BRF1: variants seen among roughly 807,000 people sequenced by gnomAD.
The protein encoded by BRF1 is BRF1 general transcription factor IIIB subunit.
In BRF1, 59 loss-of-function variants were observed where a neutral mutation model predicts 81.7. That is an observed-to-expected ratio of 0.72 (90% CI 0.59 to 0.90). The LOEUF (loss-of-function observed/expected upper bound fraction) is 0.90, where lower values mean the gene tolerates loss of function less well. Among genes scored for constraint, BRF1 ranks in the 40% least tolerant of loss-of-function variants. The pLI is 0.00. For synonymous variants in BRF1, 491 were observed against 395.6 expected (o/e 1.24, Z -2.86); for missense variants, 1,050 against 936.3 (o/e 1.12, Z -1.58).
chr14:105,223,202 A>C (rs1410484610), intron 10 of BRF1, among the ~76,000 whole-genome samples: 2 of 152,174 alleles, frequency 1.3e-5, no homozygotes, highest in African/African-American at 4.8e-5. Flanking sequence ...AAAACAACAA[A>C]AAAAGACATA....
chr14:105,217,690 C>T lies in BRF1; in HGVS notation c.1626G>A (p.Val542=). The T allele has an allele frequency of 7.4e-6, 12 of 1,613,416 alleles. No individual in the cohort carries two copies. The highest frequency in any genetic ancestry group is 1.0e-5 in the Non-Finnish European group (12 of 1,180,034). ...CGCCGGCGCTGCTGAGGCCCCGGAG[C>T]ACGCTATAATTGATCTTGCTGGAGA... ...KKISSKINYS[V]LRGLSSAGGG... The change falls in exon 15 of 18, where the codon GTG becomes GTA. Residue 542 remains valine, a synonymous_variant. Transcript: ENST00000547530.
chr14:105,217,839 G>T (rs766026215), intron 14 of BRF1, 39 bp from the exon 15 acceptor site: 2 of 1,598,896 alleles, frequency 1.3e-6, no homozygotes, highest in Non-Finnish European at 1.7e-6. Flanking sequence ...CGTGAGTCAC[G>T]CCCACTGCAC....
intron 10 of BRF1, among the ~76,000 whole-genome samples, chr14:105,225,703 C>T (rs587693842): frequency 2.0e-5 from 3 of 152,016 alleles, no homozygotes; most frequent in Non-Finnish European, 2.9e-5. Context: ...GCTGGAGTGC[C>T]GTGGTGCGAT....
chr14:105,250,901 C>T (rs2055569750), intron 5 of BRF1: 4 of 559,226 alleles, frequency 7.2e-6, no homozygotes, highest in Non-Finnish European at 9.7e-6. Context: ...GGAAGATTTA[C>T]GGCTCAAGAC....
chr14:105,314,116 C>T (rs866731299), intron 1 of BRF1, among the ~76,000 whole-genome samples: 14 of 152,240 alleles, frequency 9.2e-5, no homozygotes, highest in Admixed American at 4.6e-4. Flanking sequence ...CTTCGAGTCC[C>T]CGCGACCGCC....
chr14:105,222,032 G>A, intron 10 of BRF1, 118 bp from the exon 11 acceptor site: 2 of 1,317,614 alleles, frequency 1.5e-6, no homozygotes, highest in Non-Finnish European at 2.0e-6. Context: ...AGTGCACGGT[G>A]CCTGGCGGTC....
intron 5 of BRF1, chr14:105,247,935 A>G (rs1398078354): frequency 2.0e-6 from 2 of 985,342 alleles, no homozygotes; most frequent in African/African-American, 3.5e-5. Flanking sequence ...CCCCACAAGG[A>G]GCGAGCCTGC....
intron 3 of BRF1, among the ~76,000 whole-genome samples, chr14:105,265,092 CT>C (rs1469120981): frequency 1.4e-5 from 2 of 138,738 alleles, no homozygotes; most frequent in East Asian, 4.1e-4. Flanking sequence ...GAGACAGGGT[CT>C]CACTCTGTCG....
rs2056434034 is a variant in BRF1 at position 105,266,735 on chromosome 14, G to A, written c.439+5986C>T. On this transcript the variant is annotated intron_variant, in intron 3 of 17. Coordinates refer to ENST00000547530, the MANE Select transcript of BRF1 (RefSeq NM_001519.4). ...CAAAAGGCAGGACAAACAGATGAGAGGTGTGTGGGTTAGAAAGGAAGAACC... is the reference window on the plus strand; with the variant it reads ...CAAAAGGCAGGACAAACAGATGAGAAGTGTGTGGGTTAGAAAGGAAGAACC... Among the ~76,000 whole-genome samples the A allele has an allele frequency of 2.0e-5, 3 of 152,094 alleles. No homozygotes were observed. The South Asian group carries it at 6.2e-4, about 32-fold the overall frequency.
chr14:105,294,414 G>A (rs918522484), intron 1 of BRF1, among the ~76,000 whole-genome samples: 4 of 152,242 alleles, frequency 2.6e-5, no homozygotes, highest in Non-Finnish European at 5.9e-5. Context: ...GGCACAGTGA[G>A]GGCAGTGCGC....
intron 5 of BRF1, chr14:105,247,951 C>A (rs934410072): frequency 1.0e-6 from 1 of 985,368 alleles, no homozygotes; most frequent in South Asian, 4.7e-5. Context: ...CCTGCGACTG[C>A]GATCCACAGG....
At chr14:105,249,211 GC>G in intron 5 of BRF1, 1 of 1,587,854 alleles carries the variant, frequency 6.3e-7, no homozygotes, top group Non-Finnish European at 8.5e-7. Flanking sequence ...TCGTCGTGGG[GC>G]CCCCGGGGGC....
intron 11 of BRF1, among the ~76,000 whole-genome samples, 192 bp from the exon 12 acceptor site, chr14:105,220,322 A>C (rs1892075014): frequency 1.3e-5 from 2 of 152,166 alleles, no homozygotes; most frequent in African/African-American, 4.8e-5. Flanking sequence ...AGCTCAGGAC[A>C]CTAAGCGAAG....
At chr14:105,225,042 C>A (rs1449094591) in intron 10 of BRF1, among the ~76,000 whole-genome samples, 1 of 152,212 alleles carries the variant, frequency 6.6e-6, no homozygotes, top group African/African-American at 2.4e-5. Flanking sequence ...GGCAAGTGGG[C>A]CCAGGCCGCA....
intron 5 of BRF1, chr14:105,249,696 A>G: frequency 6.2e-7 from 1 of 1,613,764 alleles, no homozygotes; most frequent in Non-Finnish European, 8.5e-7. Flanking sequence ...GCCACTCTGT[A>G]CGCTGCTAAG....
intron 1 of BRF1, among the ~76,000 whole-genome samples, chr14:105,314,067 C>T (rs1484549944): frequency 6.6e-6 from 1 of 152,266 alleles, no homozygotes; most frequent in Non-Finnish European, 1.5e-5. Context: ...TCATCTGGAG[C>T]CCTGGAGGCT....
chr14:105,215,715 C>A (rs1487196629), intron 15 of BRF1, among the ~76,000 whole-genome samples: 1 of 116,206 alleles, frequency 8.6e-6, no homozygotes. Flanking sequence ...CACAGGCACA[C>A]ACACACATGC....
intron 5 of BRF1, among the ~76,000 whole-genome samples, chr14:105,252,198 C>T (rs1286788124): frequency 6.6e-6 from 1 of 152,212 alleles, no homozygotes; most frequent in Non-Finnish European, 1.5e-5. Flanking sequence ...AGCCCCAGGC[C>T]AGGTGCGGTC....
At position 105,309,179 on chromosome 14, in the gene BRF1, T is replaced by C. The variant is rs1479147101; in HGVS notation, c.-162+6143A>G. On this transcript the variant is annotated intron_variant, in intron 1 of 17. Transcript: ENST00000327359. This position sits in a 1 kb window ranked among gnomAD's most constrained non-coding sequence, Gnocchi z 4.0. The stretch of plus-strand genomic sequence containing the variant: ...TCTAATATTTAAGTTATGTCCTGGC[T>C]TATTGTGATGATATTCTATTGTGGG... 2.6e-5 allele frequency among the ~76,000 whole-genome samples: 4 copies of C among 152,160 alleles called. No individual in the cohort carries two copies. Among genetic ancestry groups the C allele is most frequent in the African/African-American group, 7.2e-5 (3 of 41,420 alleles).
Sources: allele counts gnomAD v4.1 joint callset (sites outside exome capture counted in the v4.1 genomes callset), GRCh38; gene constraint gnomAD v4.1.1; non-coding constraint Gnocchi (gnomAD v3.1); transcripts MANE v1.5; gene names NCBI Gene and HGNC (gene_info 2026-07-23, HGNC 2026-07-21).